Variants in KLHL1 observed in about 807,000 individuals in gnomAD.
The protein encoded by KLHL1 is kelch like family member 1.
Under a neutral mutation model 77.7 loss-of-function variants are expected in KLHL1, and 47 were observed. The ratio of observed to expected loss-of-function variants is 0.60; its 90% CI spans 0.48 to 0.77. KLHL1 has a LOEUF of 0.77. Ranked by LOEUF, KLHL1 falls within the 30% of genes least tolerant of loss-of-function variation. The probability of loss-of-function intolerance (pLI) is 0.00; values close to 1 mark genes in which losing one functional copy is unlikely to be tolerated. For synonymous variants in KLHL1, 360 were observed against 325.2 expected, an observed-to-expected ratio of 1.11 and a Z score of -1.15; for missense variants, 925 against 910.8, an observed-to-expected ratio of 1.02 and a Z score of -0.20.
At position 69,856,316 on chromosome 13, in the gene KLHL1, T is replaced by C. The variant is rs189225347; in HGVS notation, c.1228-17154A>G. Among the ~76,000 whole-genome samples, 3 of 152,174 alleles carry C rather than the reference T, an allele frequency of 2.0e-5. No individual in the cohort carries two copies. In the East Asian group the frequency reaches 5.8e-4, roughly 30 times the overall value. ...TTTTTGTAATGCATCCTGTTACACA[T>C]ACAGGTGTCACTTGGTCCTCTTCAT... is the stretch of plus-strand genomic sequence containing the variant. On this transcript the variant is annotated intron_variant, in intron 5 of 10. Coordinates refer to ENST00000377844, the MANE Select transcript of KLHL1 (RefSeq NM_020866.3).
chr13:69,794,698 TAAG>T (rs1327901721), intron 7 of KLHL1, among the ~76,000 whole-genome samples: 3 of 151,934 alleles, frequency 2.0e-5, no homozygotes, highest in Admixed American at 6.6e-5. Context: ...TGAAAACCAC[TAAG>T]AAGAAGAAAG....
At chr13:69,807,312 C>A (rs1047636511) in intron 6 of KLHL1, among the ~76,000 whole-genome samples, 3 of 152,020 alleles carry the variant, frequency 2.0e-5, no homozygotes, top group Non-Finnish European at 4.4e-5. Flanking sequence ...CCAAGCCCAC[C>A]CTTGGCCTGA....
Position 70,107,787 on chromosome 13 carries a change from G to C in KLHL1, c.-88C>G, listed in dbSNP as rs555272767. On this transcript the variant is annotated 5_prime_UTR_variant, in exon 1 of 11. Coordinates refer to ENST00000377844, the MANE Select transcript of KLHL1 (RefSeq NM_020866.3). Reference sequence around the variant, plus strand: ...GGGAGGACAGCGGGGCCCGGGGGCGGAGGAAGAGGCGGGATGCGCCCTCTG... The same window carrying C: ...GGGAGGACAGCGGGGCCCGGGGGCGCAGGAAGAGGCGGGATGCGCCCTCTG... The C allele has an allele frequency of 9.6e-7, 1 of 1,043,154 alleles. No individual in the cohort carries two copies. Among genetic ancestry groups the C allele is most frequent in the African/African-American group, 1.6e-5 (1 of 62,424 alleles). The allele number at this position is 1,043,154 out of a possible 1,614,324, so 64.6% of individuals were successfully genotyped here.
At chr13:70,040,559 G>A (rs749206594) in intron 1 of KLHL1, among the ~76,000 whole-genome samples, 1 of 152,122 alleles carries the variant, frequency 6.6e-6, no homozygotes, top group Non-Finnish European at 1.5e-5. Flanking sequence ...CATGATTTCT[G>A]ATGGGAAATC....
chr13:70,094,004 G>A (rs900609866), intron 1 of KLHL1, among the ~76,000 whole-genome samples: 16 of 151,918 alleles, frequency 1.1e-4, no homozygotes, highest in South Asian at 2.1e-4. Flanking sequence ...AGTAGTATAC[G>A]GTAAAGGGCT....
rs1042309602 is a variant in KLHL1 at position 69,707,748 on chromosome 13, C to A, written c.2064G>T (p.Met688Ile). 1 of 1,612,812 alleles carries A rather than the reference C, an allele frequency of 6.2e-7. No homozygotes were observed. Among genetic ancestry groups the A allele is most frequent in the Admixed American group, 1.7e-5 (1 of 59,816 alleles). The change falls in exon 10 of 11, where the codon ATG becomes ATT. Residue 688 changes from methionine (M) to isoleucine (I), a missense_variant. Coordinates refer to ENST00000377844, the MANE Select transcript of KLHL1 (RefSeq NM_020866.3). Reference protein sequence around the residue: ...DTWTMVAPLSMPRDAVGVCLL... With the variant: ...DTWTMVAPLSIPRDAVGVCLL... ...GACAGACCCCAACAGCATCTCTGGG[C>A]ATACTCAAAGGAGCCACCATGGTCC...
At chr13:69,953,264 C>G (rs1451922425) in intron 3 of KLHL1, among the ~76,000 whole-genome samples, 1 of 147,508 alleles carries the variant, frequency 6.8e-6, no homozygotes, top group African/African-American at 2.6e-5. Context: ...ATCTATGTAA[C>G]TTCCTCAGGC....
intron 7 of KLHL1, among the ~76,000 whole-genome samples, chr13:69,795,725 T>C (rs1463847196): frequency 6.6e-6 from 1 of 152,072 alleles, no homozygotes; most frequent in African/African-American, 2.4e-5. Flanking sequence ...ATCATGCAAA[T>C]AGAAAGTGAT....
chr13:69,762,309 CAT>C (rs1316135906), intron 7 of KLHL1, among the ~76,000 whole-genome samples: 1 of 152,046 alleles, frequency 6.6e-6, no homozygotes, highest in Non-Finnish European at 1.5e-5. Flanking sequence ...CCATGGAAAA[CAT>C]AAACTGATCC....
At chr13:70,023,957 T>A (rs1196877023) in intron 1 of KLHL1, among the ~76,000 whole-genome samples, 2 of 151,918 alleles carry the variant, frequency 1.3e-5, no homozygotes, top group East Asian at 3.9e-4. Context: ...GAAACGTATA[T>A]AGTTTTTCCT....
At chr13:69,776,310 G>C (rs1392185894) in intron 7 of KLHL1, among the ~76,000 whole-genome samples, 1 of 152,004 alleles carries the variant, frequency 6.6e-6, no homozygotes, top group African/African-American at 2.4e-5. Context: ...ATAATCAAAA[G>C]GGGGTAGAAA....
At chr13:70,028,480 G>T (rs1241483804) in intron 1 of KLHL1, among the ~76,000 whole-genome samples, 1 of 152,044 alleles carries the variant, frequency 6.6e-6, no homozygotes, top group Admixed American at 6.6e-5. Context: ...GATTAAAAGA[G>T]ACCCACGGCA....
chr13:70,107,685 C>A lies in KLHL1; in HGVS notation c.15G>T (p.Gly5=). 6.5e-7 allele frequency: 1 copy of A among 1,528,660 alleles called. No individual in the cohort carries two copies. Among genetic ancestry groups the A allele is most frequent in the Non-Finnish European group, 8.8e-7 (1 of 1,142,636 alleles). 94.7% of individuals were successfully genotyped at this position (1,528,660 alleles called of 1,614,324 possible). The change falls in exon 1 of 11, where the codon GGG becomes GGT. Residue 5 remains glycine (G), a synonymous_variant. Coordinates refer to ENST00000377844, the MANE Select transcript of KLHL1 (RefSeq NM_020866.3). MSGS[G]RKDFDVKHIL... ...TGTGCTTCACATCGAAGTCTTTTCG[C>A]CCAGAGCCTGACATGCTTTACGCAC...
At chr13:69,870,364 A>C (rs1880532078) in intron 5 of KLHL1, among the ~76,000 whole-genome samples, 1 of 152,084 alleles carries the variant, frequency 6.6e-6, no homozygotes, top group Non-Finnish European at 1.5e-5. Context: ...CCAGACATTC[A>C]TGAGGGATCT....
chr13:69,943,704 A>G (rs56949730), intron 3 of KLHL1, among the ~76,000 whole-genome samples: 21,042 of 152,128 alleles, frequency 0.14, 2,400 homozygotes, highest in African/African-American at 0.29. Flanking sequence ...AAAATAATAC[A>G]AACACATTAA....
At position 69,790,237 on chromosome 13, in the gene KLHL1, T is replaced by C. The variant is rs140694237; in HGVS notation, c.1639+6501A>G. ...AAATATCTACTAATAATAAGAACAC[T>C]GGCAAAAAAATATTAAACTCTGGAA... On this transcript the variant is annotated intron_variant, in intron 7 of 10. Coordinates refer to ENST00000377844, the MANE Select transcript of KLHL1 (RefSeq NM_020866.3). Among the ~76,000 whole-genome samples, 145 of 150,322 alleles carry C rather than the reference T, an allele frequency of 9.6e-4. 1 individual carries two copies. Among genetic ancestry groups the C allele is most frequent in the African/African-American group, 3.3e-3 (136 of 40,616 alleles).
At chr13:69,772,671 T>C (rs1013812552) in intron 7 of KLHL1, among the ~76,000 whole-genome samples, 2 of 152,182 alleles carry the variant, frequency 1.3e-5, no homozygotes, top group Non-Finnish European at 2.9e-5. Flanking sequence ...AATATTTTCT[T>C]ACATCTACCG....
At chr13:70,006,087 T>C (rs1032684427) in intron 1 of KLHL1, among the ~76,000 whole-genome samples, 6 of 152,094 alleles carry the variant, frequency 3.9e-5, no homozygotes, top group Non-Finnish European at 8.8e-5. Flanking sequence ...TTTAGATTCA[T>C]CATATAAATG....
intron 4 of KLHL1, among the ~76,000 whole-genome samples, chr13:69,939,364 T>TAC (rs1883288828): frequency 2.2e-5 from 2 of 89,292 alleles, no homozygotes; most frequent in Non-Finnish European, 4.8e-5. Context: ...TATATATATA[T>TAC]ATATATATAT....
Sources: gnomAD v4.1 joint callset for allele counts (sites outside exome capture counted in the v4.1 genomes callset) on GRCh38, gnomAD v4.1.1 for gene constraint, MANE v1.5 for transcripts, NCBI Gene and HGNC (gene_info 2026-07-23, HGNC 2026-07-21) for gene names.